PKHD1: variants seen among roughly 807,000 people sequenced by gnomAD.
The protein encoded by PKHD1 is PKHD1 ciliary IPT domain containing fibrocystin/polyductin.
A neutral mutation model predicts 412.0 loss-of-function variants in PKHD1; 291 were observed. The observed-to-expected ratio is 0.71, with a 90% CI of 0.64 to 0.78. PKHD1 has a LOEUF of 0.78. Among genes scored for constraint, PKHD1 ranks in the 30% least tolerant of loss-of-function variants. PKHD1 has a pLI of 0.00. For missense variants in PKHD1, 4,825 were observed against 4,950.7 expected, an observed-to-expected ratio of 0.97 and a Z score of 0.76; for synonymous variants, 1,777 against 1,821.5, an observed-to-expected ratio of 0.98 and a Z score of 0.62.
At chr6:51,897,271 G>A (rs10807436) in intron 43 of PKHD1, among the ~76,000 whole-genome samples, 51,469 of 151,044 alleles carry the variant, frequency 0.34, 9,762 homozygotes, top group East Asian at 0.74. Flanking sequence ...GAGAAAGGTC[G>A]GGTTACCCTC....
Position 51,652,989 on chromosome 6 carries a change from T to G in PKHD1, c.11175-3769A>C, listed in dbSNP as rs138480473. ...AATTTTGTACTCTGAAAGAAAAAAG[T>G]AAATTCTTTAGTCAATTCTAAAGAA... is the stretch of plus-strand genomic sequence containing the variant. On this transcript the variant is annotated intron_variant, in intron 61 of 66. Transcript: ENST00000371117. 3.9e-3 allele frequency among the ~76,000 whole-genome samples: 593 copies of G among 152,278 alleles called. 8 individuals are homozygous for G. Among genetic ancestry groups the G allele is most frequent in the African/African-American group, 0.014 (571 of 41,558 alleles).
At chr6:51,695,525 T>A (rs1337066881) in intron 60 of PKHD1, among the ~76,000 whole-genome samples, 1 of 152,106 alleles carries the variant, frequency 6.6e-6, no homozygotes, top group Non-Finnish European at 1.5e-5. Context: ...TTTATTAAAT[T>A]GGTAGGAATC....
intron 6 of PKHD1, among the ~76,000 whole-genome samples, chr6:52,074,829 C>A (rs1175567121): frequency 6.6e-6 from 1 of 152,214 alleles, no homozygotes; most frequent in Non-Finnish European, 1.5e-5. Context: ...AAAGTGATTA[C>A]AAAGATGCAG....
chr6:52,071,712 G>C (rs896528345), intron 8 of PKHD1, among the ~76,000 whole-genome samples: 6 of 152,270 alleles, frequency 3.9e-5, no homozygotes, highest in Non-Finnish European at 8.8e-5. Flanking sequence ...TCCCAGGTCT[G>C]CCACTTGCTC....
intron 51 of PKHD1, among the ~76,000 whole-genome samples, chr6:51,833,689 G>T (rs1477216458): frequency 6.6e-6 from 1 of 152,108 alleles, no homozygotes. Flanking sequence ...AGCAATCAAG[G>T]CATGGGTGAT....
At chr6:51,940,156 C>CA (rs1392694336) in intron 36 of PKHD1, among the ~76,000 whole-genome samples, 1 of 151,618 alleles carries the variant, frequency 6.6e-6, no homozygotes, top group Non-Finnish European at 1.5e-5. Context: ...CCTAAAAGGT[C>CA]AAAAGGCCGT....
chr6:51,776,583 CA>C (rs1399026184), intron 53 of PKHD1, among the ~76,000 whole-genome samples: 1 of 151,998 alleles, frequency 6.6e-6, no homozygotes, highest in African/African-American at 2.4e-5. Flanking sequence ...CTCCTCACAA[CA>C]AACCTGAGAA....
At chr6:51,760,619 T>C (rs772225748) in intron 55 of PKHD1, among the ~76,000 whole-genome samples, 3 of 152,086 alleles carry the variant, frequency 2.0e-5, no homozygotes, top group Non-Finnish European at 2.9e-5. Context: ...AAGGAGCCAG[T>C]ACAAAAGTTG....
chr6:51,941,237 T>TC, intron 36 of PKHD1, among the ~76,000 whole-genome samples: 1 of 2,468 alleles, frequency 4.1e-4, no homozygotes, highest in South Asian at 0.015. Context: ...CAGCATGGCC[T>TC]TTTTTTTTTT....
At chr6:51,668,805 A>G (rs548680349) in intron 60 of PKHD1, among the ~76,000 whole-genome samples, 3 of 152,152 alleles carry the variant, frequency 2.0e-5, no homozygotes, top group Non-Finnish European at 4.4e-5. Flanking sequence ...TGAGATAATC[A>G]TGTGGTTTTT....
At chr6:52,070,978 T>G (rs781167247) in intron 9 of PKHD1, 28 bp downstream of exon 9, 1 of 1,446,558 alleles carries the variant, frequency 6.9e-7, no homozygotes, top group Non-Finnish European at 9.7e-7. Flanking sequence ...GGATAAGACT[T>G]TAAAATTATG....
chr6:52,083,355 A>G (rs942498623), intron 2 of PKHD1, 100 bp from the exon 3 acceptor site: 12 of 818,938 alleles, frequency 1.5e-5, no homozygotes, highest in Non-Finnish European at 2.5e-5. Context: ...CAGAATCACC[A>G]GAAAGGCTTG....
chr6:51,652,951 A>G (rs1019559632), intron 61 of PKHD1, among the ~76,000 whole-genome samples: 2 of 152,148 alleles, frequency 1.3e-5, no homozygotes, highest in African/African-American at 4.8e-5. Flanking sequence ...TGAAATATAA[A>G]ATGATTTTGG....
At chr6:52,065,610 C>T (rs149099381) in intron 12 of PKHD1, among the ~76,000 whole-genome samples, 1 of 152,200 alleles carries the variant, frequency 6.6e-6, no homozygotes, top group South Asian at 2.1e-4. Context: ...AAATGCCCAC[C>T]CACTCCTGCT....
intron 60 of PKHD1, among the ~76,000 whole-genome samples, chr6:51,731,203 C>G (rs1783195835): frequency 6.6e-6 from 1 of 151,668 alleles, no homozygotes. Flanking sequence ...TCAATGAAGT[C>G]CTTGAAATAA....
chr6:51,717,412 C>CAAA (rs60675116), intron 60 of PKHD1, among the ~76,000 whole-genome samples: 14 of 123,328 alleles, frequency 1.1e-4, no homozygotes, highest in African/African-American at 3.7e-4. Context: ...AACTCTGTCT[C>CAAA]AAAAAAAAAA....
intron 35 of PKHD1, among the ~76,000 whole-genome samples, chr6:51,966,922 A>ATTGGATTGGATTGGATTGGT (rs1792894015): frequency 6.6e-6 from 1 of 151,642 alleles, no homozygotes; most frequent in African/African-American, 2.4e-5. Context: ...ATTGGATTGG[A>ATTGGATTGGATTGGATTGGT]TTGGATTGGG....
At chr6:51,848,940 A>G (rs756077482) in intron 49 of PKHD1, among the ~76,000 whole-genome samples, 93 of 37,298 alleles carry the variant, frequency 2.5e-3, no homozygotes, top group Non-Finnish European at 3.9e-3. Flanking sequence ...ATTTCTTCTG[A>G]AAAAAAAAAA....
intron 52 of PKHD1, among the ~76,000 whole-genome samples, chr6:51,817,619 G>T (rs140456621): frequency 6.6e-5 from 10 of 152,260 alleles, no homozygotes; most frequent in South Asian, 4.2e-4. Context: ...CACGTTCACC[G>T]ATTATGAATG....
Sources: allele counts gnomAD v4.1 joint callset (sites outside exome capture counted in the v4.1 genomes callset), GRCh38; gene constraint gnomAD v4.1.1; transcripts MANE v1.5; gene names NCBI Gene and HGNC (gene_info 2026-07-23, HGNC 2026-07-21).